BCAS1: variants seen among roughly 807,000 people sequenced by gnomAD.
BCAS1 encodes the protein brain enriched myelin associated protein 1.
In BCAS1, 46 loss-of-function variants were observed where a neutral mutation model predicts 65.4. The ratio of observed to expected loss-of-function variants is 0.70; its 90% CI spans 0.55 to 0.90. The LOEUF is 0.90. Among genes scored for constraint, BCAS1 ranks in the 40% least tolerant of loss-of-function variants. BCAS1 has a pLI of 0.00. For missense variants in BCAS1, 793 were observed against 771.2 expected, an observed-to-expected ratio of 1.03 and a Z score of -0.33; for synonymous variants, 298 against 293.5, an observed-to-expected ratio of 1.02 and a Z score of -0.16.
chr20:54,063,066 G>A (rs2092395051), intron 1 of BCAS1, among the ~76,000 whole-genome samples: 2 of 152,206 alleles, frequency 1.3e-5, no homozygotes, highest in African/African-American at 2.4e-5. Flanking sequence ...TTGGCAAGAA[G>A]ATGGCAACTC....
intron 3 of BCAS1, among the ~76,000 whole-genome samples, chr20:54,042,735 A>AC (rs1404936040): frequency 6.6e-6 from 1 of 152,214 alleles, no homozygotes; most frequent in Non-Finnish European, 1.5e-5. Context: ...GTATGCACCT[A>AC]CCCCATCCAT....
At chr20:53,966,049 C>T (rs2090017399) in intron 10 of BCAS1, among the ~76,000 whole-genome samples, 1 of 152,146 alleles carries the variant, frequency 6.6e-6, no homozygotes, top group African/African-American at 2.4e-5. Context: ...CTAGTACAAC[C>T]ACTATAGAAA....
intron 10 of BCAS1, among the ~76,000 whole-genome samples, chr20:53,962,356 T>C (rs954517778): frequency 1.3e-5 from 2 of 152,216 alleles, no homozygotes; most frequent in Non-Finnish European, 2.9e-5. Flanking sequence ...AGTATTTCTC[T>C]AAGCCTGAGA....
chr20:54,012,160 T>G (rs759775849), intron 4 of BCAS1, among the ~76,000 whole-genome samples: 8 of 152,170 alleles, frequency 5.3e-5, no homozygotes, highest in Non-Finnish European at 1.2e-4. Context: ...GGGTACCCAC[T>G]GTATGATACT....
At position 53,963,646 on chromosome 20, in the gene BCAS1, C is replaced by T. The variant is rs191140774; in HGVS notation, c.1485+3260G>A. Among the ~76,000 whole-genome samples, 207 of 152,176 alleles carry T rather than the reference C, an allele frequency of 1.4e-3. 1 individual carries two copies. Among genetic ancestry groups the T allele is most frequent in the African/African-American group, 4.7e-3 (194 of 41,522 alleles). ...AACAATATCCAAAATTTGTCTGAAA[C>T]GTTTATTTATTTGGCTCAACATCCC... is the stretch of plus-strand genomic sequence containing the variant. On this transcript the variant is annotated intron_variant, in intron 10 of 12. Transcript: ENST00000688948.
At chr20:53,998,414 AG>A (rs1247821983) in intron 4 of BCAS1, among the ~76,000 whole-genome samples, 2 of 152,252 alleles carry the variant, frequency 1.3e-5, no homozygotes, top group Non-Finnish European at 2.9e-5. Context: ...GGGAGGCCTC[AG>A]GAAGCTTACA....
intron 3 of BCAS1, among the ~76,000 whole-genome samples, chr20:54,044,473 T>C (rs1202652273): frequency 6.6e-6 from 1 of 152,224 alleles, no homozygotes; most frequent in Non-Finnish European, 1.5e-5. Context: ...GTATCTGTCA[T>C]GGTAAGTACA....
chr20:53,998,675 G>A (rs1180094132), intron 4 of BCAS1, among the ~76,000 whole-genome samples: 4 of 152,370 alleles, frequency 2.6e-5, no homozygotes, highest in Admixed American at 1.3e-4. Flanking sequence ...GGTAAGGACA[G>A]ATGTGCAAAT....
chr20:54,006,386 A>C (rs1268484318), intron 4 of BCAS1, among the ~76,000 whole-genome samples: 1 of 152,138 alleles, frequency 6.6e-6, no homozygotes, highest in Non-Finnish European at 1.5e-5. Context: ...ATTGGGATGA[A>C]TGTTATAATG....
In BCAS1 at chr20:54,035,400, C is replaced by CAA. The variant is rs1288429763; in HGVS notation, c.143-6430_143-6429dup. The stretch of plus-strand genomic sequence containing the variant: ...TGGGCGACAGAGTGAGACTCCGTCT[C>CAA]AAAAAAAAAAAAAAAAAAAAGAAGA... On this transcript the variant is annotated intron_variant, in intron 3 of 12. Coordinates refer to ENST00000688948, the MANE Select transcript of BCAS1 (RefSeq NM_001366298.2). Among the ~76,000 whole-genome samples the CAA allele has an allele frequency of 3.5e-3, 219 of 61,976 alleles. 5 individuals are homozygous for CAA. Among genetic ancestry groups the CAA allele is most frequent in the African/African-American group, 0.012 (174 of 14,206 alleles). The allele number at this position is 61,976 out of a possible 152,430, so 40.7% of individuals were successfully genotyped here. A position where few individuals can be genotyped will look rare whatever the true frequency, so the allele number is the denominator to read the frequency against.
rs544801783 is a variant in BCAS1, at chr20:53,998,852, T to C, written c.724-2802A>G. ...TACATTTACAGCATGCAAACCACTA[T>C]ACAAATAAATGCATTAAACATATGT... On this transcript the variant is annotated intron_variant, in intron 4 of 12. Transcript: ENST00000688948. 8.1e-4 allele frequency among the ~76,000 whole-genome samples: 124 copies of C among 152,290 alleles called. 1 individual carries two copies. Among genetic ancestry groups the C allele is most frequent in the African/African-American group, 2.8e-3 (118 of 41,568 alleles).
At chr20:53,975,041 C>G (rs556132380) in intron 9 of BCAS1, among the ~76,000 whole-genome samples, 2 of 152,212 alleles carry the variant, frequency 1.3e-5, no homozygotes, top group Admixed American at 6.5e-5. Context: ...TAAGAGTGAA[C>G]GAGCAGTCAA....
At chr20:54,067,101 G>T (rs1055600471) in intron 1 of BCAS1, among the ~76,000 whole-genome samples, 4 of 152,194 alleles carry the variant, frequency 2.6e-5, no homozygotes, top group Admixed American at 2.6e-4. Context: ...TAGGCCGGGC[G>T]CTGTGGCTCA....
chr20:54,015,496 G>A (rs1193374543), intron 4 of BCAS1, among the ~76,000 whole-genome samples: 1 of 151,010 alleles, frequency 6.6e-6, no homozygotes, highest in Non-Finnish European at 1.5e-5. Context: ...TTTTTATAAT[G>A]CATTCACATC....
chr20:53,952,096 A>C (rs998985812), intron 12 of BCAS1, among the ~76,000 whole-genome samples: 1 of 152,284 alleles, frequency 6.6e-6, no homozygotes, highest in African/African-American at 2.4e-5. Context: ...TTTTTTAAAC[A>C]TGCAAGTAGA....
intron 11 of BCAS1, among the ~76,000 whole-genome samples, chr20:53,954,439 A>G (rs1249373441): frequency 6.6e-6 from 1 of 152,134 alleles, no homozygotes. Context: ...ACTTGCAACC[A>G]CATGCGAGTG....
intron 3 of BCAS1, among the ~76,000 whole-genome samples, chr20:54,040,851 T>C (rs1000148382): frequency 2.0e-5 from 3 of 150,840 alleles, no homozygotes; most frequent in Non-Finnish European, 3.0e-5. Flanking sequence ...AGCAAGAAAA[T>C]GAAAACATAT....
chr20:53,954,880 G>A (rs979780532), intron 11 of BCAS1, among the ~76,000 whole-genome samples: 5 of 152,224 alleles, frequency 3.3e-5, no homozygotes, highest in South Asian at 2.1e-4. Flanking sequence ...GAGATACCAC[G>A]TAGGCTTGCA....
intron 4 of BCAS1, among the ~76,000 whole-genome samples, chr20:54,007,577 C>T (rs1600851940): frequency 6.6e-6 from 1 of 152,206 alleles, no homozygotes; most frequent in East Asian, 1.9e-4. Flanking sequence ...TGTCTCCTGC[C>T]TTGGACAGAC....
Sources: gnomAD v4.1 joint callset for allele counts (sites outside exome capture counted in the v4.1 genomes callset) on GRCh38, gnomAD v4.1.1 for gene constraint, MANE v1.5 for transcripts, NCBI Gene and HGNC (gene_info 2026-07-23, HGNC 2026-07-21) for gene names.